The following ZNF594 variants were observed in gnomAD, a reference collection of about 807,000 sequenced individuals.
ZNF594 encodes the protein zinc finger protein 594, also known as zinc finger protein HZF18.
For synonymous variants in ZNF594, 336 were observed against 309.4 expected, an observed-to-expected ratio of 1.09 and a Z score of -0.90; for missense variants, 1,037 against 964.6, an observed-to-expected ratio of 1.08 and a Z score of -0.99.
At position 5,181,841 on chromosome 17, in the gene ZNF594, T is replaced by C. The variant is rs771917344; in HGVS notation, c.2416A>G (p.Thr806Ala). The change falls in exon 2 of 2, where the codon ACA becomes GCA. Residue 806 changes from threonine to alanine, a missense_variant. By Grantham distance (58) the Thr-to-Ala change is moderately conservative (BLOSUM62 0). Coordinates refer to ENST00000575779, the MANE Select transcript of ZNF594 (RefSeq NM_032530.2). ...TTTCTCCACTGTGAATTCTATGATGTCTCAGAAGGTCTGAGCTCTGATTGA... is the reference window on the plus strand; with the variant it reads ...TTTCTCCACTGTGAATTCTATGATGCCTCAGAAGGTCTGAGCTCTGATTGA... Reference protein sequence around the residue: ...KTQSELRPSETS With the variant: ...KTQSELRPSEAS 2.5e-6 allele frequency: 4 copies of C among 1,614,132 alleles called. No homozygotes were observed. Among genetic ancestry groups the C allele is most frequent in the South Asian group, 2.2e-5 (2 of 91,078 alleles).
chr17:5,175,045 CCTCT>C (rs200778009), downstream of ZNF594: 772 of 179,142 alleles, frequency 4.3e-3, 7 homozygotes, highest in African/African-American at 0.015. Context: ...CTTCAGCCTC[CCTCT>C]CTGTGATCCT....
chr17:5,187,792 A>C (rs1238632095), intron 1 of ZNF594, among the ~76,000 whole-genome samples: 1 of 151,926 alleles, frequency 6.6e-6, no homozygotes. Context: ...AGAAAGCACT[A>C]TGTGTCAGCT....
Position 5,183,942 on chromosome 17 carries a change from G to C in ZNF594, c.315C>G (p.Gly105=), listed in dbSNP as rs2144249993. The change falls in exon 2 of 2, where the codon GGC becomes GGG. Residue 105 remains glycine (G), a synonymous_variant. Coordinates refer to ENST00000575779, the MANE Select transcript of ZNF594 (RefSeq NM_032530.2). ...ATCCTGACTTCTGTTTGAAGTTTTG[G>C]CCACTAACCTCATATCTATGGGAGC... is the stretch of plus-strand genomic sequence containing the variant. ...GESSHRYEVS[G]QNFKQKSGLT... is the part of the protein sequence containing the mutation. 1 of 1,613,736 alleles carries C rather than the reference G, an allele frequency of 6.2e-7. No homozygotes were observed. The highest frequency in any genetic ancestry group is 2.2e-5 in the East Asian group (1 of 44,874).
At chr17:5,174,511 G>T in the ZNF594 span, 1 of 192,046 alleles carries the variant, frequency 5.2e-6, no homozygotes, top group Non-Finnish European at 1.1e-5. Context: ...AAATATAATT[G>T]CAAGTAGGTA....
chr17:5,184,226 A>C lies in ZNF594; in HGVS notation c.31T>G (p.Ser11Ala). The C allele has an allele frequency of 6.2e-7, 1 of 1,613,062 alleles. No homozygotes were observed. The highest frequency in any genetic ancestry group is 1.1e-5 in the South Asian group (1 of 90,812). ...GCCCTTGCTGACTTCTTTTCTTCAG[A>C]AATTTCCATCTTTGATTTCCATTCC... The part of the protein sequence containing the change: MKEWKSKMEI[S>A]EEKKSARAAS... The change falls in exon 2 of 2, where the codon TCT (serine) becomes GCT (alanine). Residue 11 changes from serine (S) to alanine (A), a missense_variant. Coordinates refer to ENST00000575779, the MANE Select transcript of ZNF594 (RefSeq NM_032530.2).
At position 5,183,434 on chromosome 17, in the gene ZNF594, T is replaced by C. The variant is rs774053300; in HGVS notation, c.823A>G (p.Met275Val). The C allele has an allele frequency of 2.5e-6, 4 of 1,613,738 alleles. No homozygotes were observed. In the Admixed American group the frequency reaches 5.0e-5, roughly 20 times the overall value. ...KPYECYDCGQ[M>V]FSQSSHLVPH... ...ACAAGGTGTGAACTTTGACTGAACA[T>C]CTGTCCACAGTCATAACATTCATAG... Residue 275 changes from methionine (M) to valine (V), a missense_variant, in exon 2 of 2, where the codon ATG becomes GTG. Met to Val is a conservative substitution (Grantham distance 21). Transcript: ENST00000575779.
chr17:5,177,556 C>G (rs2074314974), downstream of ZNF594, among the ~76,000 whole-genome samples: 1 of 151,642 alleles, frequency 6.6e-6, no homozygotes, highest in South Asian at 2.1e-4. Context: ...CTAAAAAATA[C>G]AGCCGGGCAC....
downstream of ZNF594, among the ~76,000 whole-genome samples, chr17:5,179,071 G>A (rs1445905768): frequency 6.6e-6 from 1 of 151,538 alleles, no homozygotes; most frequent in Non-Finnish European, 1.5e-5. Context: ...CCAGAAGGCA[G>A]GACCACAGGG....
chr17:5,180,781 C>A lies in ZNF594; in HGVS notation c.*1052G>T. ...TTATGTCCAAGAGCTTTTGGCTTTT[C>A]CACTTGATTATACTTACGTTTGAAA... On this transcript the variant is annotated 3_prime_UTR_variant, in exon 2 of 2. Coordinates refer to ENST00000575779, the MANE Select transcript of ZNF594 (RefSeq NM_032530.2). 1 of 324,030 alleles carries A rather than the reference C, an allele frequency of 3.1e-6. No homozygotes were observed. Among genetic ancestry groups the A allele is most frequent in the African/African-American group, 2.2e-5 (1 of 46,048 alleles). The allele number at this position is 324,030 out of a possible 1,614,324, so 20.1% of individuals were successfully genotyped here.
At chr17:5,174,770 A>G (rs2074290368), downstream of ZNF594, 1 of 200,464 alleles carries the variant, frequency 5.0e-6, no homozygotes, top group Admixed American at 6.0e-5. Flanking sequence ...AAATTTATTA[A>G]ATTAACTATT....
Position 5,183,759 on chromosome 17 carries a change from T to G in ZNF594, c.498A>C (p.Gln166His), listed in dbSNP as rs59197486. Reference sequence around the variant, plus strand: ...TCTGATGTATAATAAGATTTGAACTTTGATTAGAGTCTTTCCCACATTCAT... The same window carrying G: ...TCTGATGTATAATAAGATTTGAACTGTGATTAGAGTCTTTCCCACATTCAT... ...VCNECGKDSN[Q>H]SSNLIIHQRI... is the part of the protein sequence containing the mutation. The change falls in exon 2 of 2, where the codon CAA (glutamine) becomes CAC (histidine). Residue 166 changes from glutamine to histidine, a missense_variant. Physicochemically the swap from Gln to His is conservative, Grantham distance 24 (BLOSUM62 0). Coordinates refer to ENST00000575779, the MANE Select transcript of ZNF594 (RefSeq NM_032530.2). 4.6e-3 allele frequency: 7,424 copies of G among 1,613,152 alleles called. 300 individuals are homozygous for G. The African/African-American group carries it at 0.086, about 19-fold the overall frequency.
In ZNF594 at chr17:5,183,737, G is replaced by C. The variant is rs1002277730; in HGVS notation, c.520C>G (p.Gln174Glu). The C allele has an allele frequency of 2.4e-5, 38 of 1,610,558 alleles. No homozygotes were observed. The highest frequency in any genetic ancestry group is 3.1e-5 in the Non-Finnish European group (36 of 1,179,178). ...GGTTTCTTTCCTGTATGAATTCTCTGATGTATAATAAGATTTGAACTTTGA... is the reference window on the plus strand; with the variant it reads ...GGTTTCTTTCCTGTATGAATTCTCTCATGTATAATAAGATTTGAACTTTGA... ...SNQSSNLIIH[Q>E]RIHTGKKPYI... is the part of the protein sequence containing the mutation. The change falls in exon 2 of 2, where the codon CAG becomes GAG. Residue 174 changes from glutamine to glutamate, a missense_variant. Coordinates refer to ENST00000575779, the MANE Select transcript of ZNF594 (RefSeq NM_032530.2).
downstream of ZNF594, among the ~76,000 whole-genome samples, chr17:5,176,523 G>GT (rs932105948): frequency 1.3e-5 from 2 of 150,828 alleles, no homozygotes; most frequent in African/African-American, 4.9e-5. Flanking sequence ...ACTCTTTTAA[G>GT]TGCCAGTCTG....
chr17:5,181,904 T>G lies in ZNF594; in HGVS notation c.2353A>C (p.Arg785=). 2 of 1,613,220 alleles carry G rather than the reference T, an allele frequency of 1.2e-6. No individual in the cohort carries two copies. The highest frequency in any genetic ancestry group is 1.7e-4 in the Middle Eastern group (1 of 6,052). ...DLIRHQVTHT[R]EKPYECKECG... ...TCTTTACATTCATATGGTTTCTCTC[T>G]TGTATGAGTTACCTGATGTCTGATG... Residue 785 remains arginine (R), a synonymous_variant, in exon 2 of 2, where the codon AGA becomes CGA. Transcript: ENST00000575779.
At chr17:5,191,246 A>G (rs2074421952) in intron 1 of ZNF594, among the ~76,000 whole-genome samples, 1 of 151,906 alleles carries the variant, frequency 6.6e-6, no homozygotes, top group East Asian at 1.9e-4. Flanking sequence ...AGCAATGTAG[A>G]CCCTTACAAA....
At chr17:5,175,819 G>C (rs2074303405), downstream of ZNF594, among the ~76,000 whole-genome samples, 1 of 151,816 alleles carries the variant, frequency 6.6e-6, no homozygotes, top group Admixed American at 6.6e-5. Flanking sequence ...GTGTTGAGAA[G>C]AGATGAAGGT....
chr17:5,181,873 CCA>C lies in ZNF594; in HGVS notation c.2382_2383del (p.Cys794TrpfsTer11). ...AGGTCTGAGCTCTGATTGAGTTTTC[CCA>C]CATTCTTTACATTCATATGGTTTCT... On this transcript the variant is annotated frameshift_variant, in exon 2 of 2. Coordinates refer to ENST00000575779, the MANE Select transcript of ZNF594 (RefSeq NM_032530.2). LOFTEE classifies it low-confidence loss of function (END_TRUNC). The C allele has an allele frequency of 6.2e-7, 1 of 1,613,676 alleles. No homozygotes were observed. The highest frequency in any genetic ancestry group is 1.1e-5 in the South Asian group (1 of 91,032).
chr17:5,178,432 T>C (rs1040191762), downstream of ZNF594, among the ~76,000 whole-genome samples: 30 of 149,512 alleles, frequency 2.0e-4, no homozygotes, highest in African/African-American at 6.8e-4. Context: ...CTTAATCTCA[T>C]TGTTTGTCTA....
At chr17:5,178,070 GTT>G (rs59337751), downstream of ZNF594, among the ~76,000 whole-genome samples, 1 of 142,860 alleles carries the variant, frequency 7.0e-6, no homozygotes. Context: ...ATATTTTTCA[GTT>G]TTTTTTTTTT....
Sources: gnomAD v4.1 joint callset for allele counts (sites outside exome capture counted in the v4.1 genomes callset) on GRCh38, gnomAD v4.1.1 for gene constraint, MANE v1.5 for transcripts, NCBI Gene and HGNC (gene_info 2026-07-23, HGNC 2026-07-21) for gene names.